The following TRPM3 variants were observed in gnomAD, a reference collection of about 807,000 sequenced individuals.
TRPM3 encodes long transient receptor potential channel 3.
Under a neutral mutation model 181.2 loss-of-function variants are expected in TRPM3, and 77 were observed. The observed-to-expected ratio is 0.42, with a 90% CI of 0.35 to 0.51. The LOEUF is 0.51. Among genes scored for constraint, TRPM3 ranks in the 20% least tolerant of loss-of-function variants. TRPM3 has a pLI of 0.01. For missense variants in TRPM3, 1,759 were observed against 2,196.7 expected (o/e 0.80, Z 3.98); for synonymous variants, 745 against 796.4 (o/e 0.94, Z 1.09).
intron 9 of TRPM3, among the ~76,000 whole-genome samples, chr9:70,641,147 G>T (rs1308592042): frequency 2.6e-5 from 4 of 152,164 alleles, no homozygotes; most frequent in Non-Finnish European, 5.9e-5. Context: ...CTGGTGAGCA[G>T]CATTGCTCTA....
intron 1 of TRPM3, among the ~76,000 whole-genome samples, chr9:71,344,713 C>G (rs2091188656): frequency 6.6e-6 from 1 of 152,048 alleles, no homozygotes. Flanking sequence ...TCAAAACATA[C>G]TAACAAAAAA....
At position 71,032,093 on chromosome 9, in the gene TRPM3, ATATAATAT is replaced by A. The variant is rs1203401409; in HGVS notation, c.177+89077_177+89084del. ...TATATTATATTATATATATATAATT[ATATAATAT>A]TATATATATTATATTATATATATTA... On this transcript the variant is annotated intron_variant, in intron 1 of 25. Coordinates refer to ENST00000677713, the MANE Select transcript of TRPM3 (RefSeq NM_001366145.2). Among the ~76,000 whole-genome samples the A allele has an allele frequency of 4.2e-5, 4 of 95,766 alleles. No homozygotes were observed. In the Admixed American group the frequency reaches 6.9e-4, roughly 16 times the overall value. The allele number at this position is 95,766 out of a possible 152,430, so 62.8% of individuals were successfully genotyped here. A position where few individuals can be genotyped will look rare whatever the true frequency, so the allele number is the denominator to read the frequency against.
At chr9:71,059,010 C>CCTTTTTTTTTT (rs1491270019) in intron 1 of TRPM3, among the ~76,000 whole-genome samples, 1 of 15,932 alleles carries the variant, frequency 6.3e-5, no homozygotes. Flanking sequence ...TTTGTTTGTT[C>CCTTTTTTTTTT]ATTTTTTTTT....
chr9:71,434,455 T>C (rs1162534078), intron 1 of TRPM3, among the ~76,000 whole-genome samples: 1 of 152,216 alleles, frequency 6.6e-6, no homozygotes, highest in Admixed American at 6.5e-5. Flanking sequence ...TTCAATATGA[T>C]AAGAAATAAT....
At chr9:70,681,362 G>A in intron 9 of TRPM3, 144 bp downstream of exon 9, 1 of 647,316 alleles carries the variant, frequency 1.5e-6, no homozygotes. Flanking sequence ...AGCAGTAACT[G>A]TCTTACAGGA....
chr9:71,346,327 T>G (rs891479304), intron 1 of TRPM3, among the ~76,000 whole-genome samples: 1 of 152,220 alleles, frequency 6.6e-6, no homozygotes, highest in African/African-American at 2.4e-5. Flanking sequence ...ATCTTGACCC[T>G]TCTTGTTATG....
At chr9:71,258,524 C>T (rs1450264164) in intron 1 of TRPM3, among the ~76,000 whole-genome samples, 1 of 152,128 alleles carries the variant, frequency 6.6e-6, no homozygotes, top group Non-Finnish European at 1.5e-5. Context: ...AAGTGAATGA[C>T]TTACATGATA....
At position 70,683,219 on chromosome 9, in the gene TRPM3, A is replaced by G. The variant is rs116943087; in HGVS notation, c.1273-1641T>C. Among the ~76,000 whole-genome samples the G allele has an allele frequency of 4.6e-3, 700 of 152,120 alleles. 1 individual carries two copies. Among genetic ancestry groups the G allele is most frequent in the Non-Finnish European group, 7.4e-3 (505 of 67,976 alleles). ...TTGAAATGCCTTCACAGATATTTGA[A>G]CTGAAAACAATTTTTTTTGAGACAA... On this transcript the variant is annotated intron_variant, in intron 8 of 25. Coordinates refer to ENST00000677713, the MANE Select transcript of TRPM3 (RefSeq NM_001366145.2).
At chr9:70,952,676 C>T (rs548375605) in intron 1 of TRPM3, among the ~76,000 whole-genome samples, 11 of 152,168 alleles carry the variant, frequency 7.2e-5, no homozygotes, top group East Asian at 5.8e-4. Flanking sequence ...GTTTGACAGA[C>T]GGATTAACAG....
intron 1 of TRPM3, among the ~76,000 whole-genome samples, chr9:71,315,388 A>C (rs2088467866): frequency 6.6e-6 from 1 of 152,202 alleles, no homozygotes; most frequent in Admixed American, 6.6e-5. Flanking sequence ...TATAAGCATC[A>C]GTAGTGGGGA....
intron 1 of TRPM3, among the ~76,000 whole-genome samples, chr9:71,001,882 G>C (rs181026560): frequency 6.6e-6 from 1 of 152,156 alleles, no homozygotes; most frequent in Non-Finnish European, 1.5e-5. Context: ...AAGATATAGA[G>C]GCTACACAAA....
At chr9:70,636,724 G>C (rs1308485982) in intron 11 of TRPM3, among the ~76,000 whole-genome samples, 1 of 137,394 alleles carries the variant, frequency 7.3e-6, no homozygotes, top group African/African-American at 2.7e-5. Context: ...GTCTCGCTCT[G>C]TCACCTGGGC....
At chr9:71,090,420 A>T (rs1003497576) in intron 1 of TRPM3, among the ~76,000 whole-genome samples, 16 of 152,304 alleles carry the variant, frequency 1.1e-4, no homozygotes, top group African/African-American at 3.4e-4. Context: ...TCACAAGCAG[A>T]TGAAGTTGTT....
At chr9:70,538,672 C>A (rs527981953) in intron 25 of TRPM3, among the ~76,000 whole-genome samples, 1 of 152,170 alleles carries the variant, frequency 6.6e-6, no homozygotes, top group African/African-American at 2.4e-5. Context: ...AAGTGCTTCT[C>A]GTGCCTCAGC....
intron 1 of TRPM3, among the ~76,000 whole-genome samples, chr9:70,993,902 C>T (rs1330984965): frequency 6.6e-6 from 1 of 151,866 alleles, no homozygotes; most frequent in African/African-American, 2.4e-5. Flanking sequence ...ATTCCTCTCT[C>T]CTGGGGGGAA....
At chr9:71,250,857 C>G (rs973111074) in intron 1 of TRPM3, among the ~76,000 whole-genome samples, 4 of 152,062 alleles carry the variant, frequency 2.6e-5, no homozygotes, top group African/African-American at 9.7e-5. Context: ...GTAAGATGAC[C>G]TGGGACCAGA....
chr9:71,134,826 C>A (rs191165179), intron 1 of TRPM3, among the ~76,000 whole-genome samples: 1 of 152,116 alleles, frequency 6.6e-6, no homozygotes, highest in Non-Finnish European at 1.5e-5. Context: ...AGAGTCAATA[C>A]CTTGAATTAA....
intron 1 of TRPM3, among the ~76,000 whole-genome samples, chr9:71,048,423 A>G (rs574774586): frequency 6.6e-6 from 1 of 152,196 alleles, no homozygotes; most frequent in African/African-American, 2.4e-5. Flanking sequence ...AATGGCCACA[A>G]ATCTTTATGT....
intron 1 of TRPM3, among the ~76,000 whole-genome samples, chr9:70,996,609 A>G (rs1291539967): frequency 6.6e-6 from 1 of 152,234 alleles, no homozygotes; most frequent in Non-Finnish European, 1.5e-5. Flanking sequence ...TCGCAATGTT[A>G]AAGTGCACTG....
Sources: allele counts gnomAD v4.1 joint callset (sites outside exome capture counted in the v4.1 genomes callset), GRCh38; gene constraint gnomAD v4.1.1; transcripts MANE v1.5; gene names NCBI Gene and HGNC (gene_info 2026-07-23, HGNC 2026-07-21).